GNB5: variants seen among roughly 807,000 people sequenced by gnomAD.
The protein encoded by GNB5 is guanine nucleotide-binding protein subunit beta-5.
A neutral mutation model predicts 55.3 loss-of-function variants in GNB5; 37 were observed. The ratio of observed to expected loss-of-function variants is 0.67; its 90% CI spans 0.51 to 0.88. The LOEUF (loss-of-function observed/expected upper bound fraction) is 0.88, where lower values mean the gene tolerates loss of function less well. Ranked by LOEUF, GNB5 falls within the 40% of genes least tolerant of loss-of-function variation. The pLI is 0.00. For synonymous variants in GNB5, 219 were observed against 198.5 expected (o/e 1.10, Z -0.87); for missense variants, 476 against 515.3 (o/e 0.92, Z 0.74).
chr15:52,168,534 C>T (rs1049610408), intron 3 of GNB5, among the ~76,000 whole-genome samples: 1 of 152,112 alleles, frequency 6.6e-6, no homozygotes, highest in Admixed American at 6.6e-5. Context: ...TGAAAATGGC[C>T]ATATTGCCCA....
chr15:52,184,082 T>C (rs2034811259), intron 2 of GNB5, among the ~76,000 whole-genome samples: 1 of 152,202 alleles, frequency 6.6e-6, no homozygotes, highest in South Asian at 2.1e-4. Flanking sequence ...CTAGACTGTT[T>C]ATTTGCCAGC....
chr15:52,169,191 A>G (rs1456715394), intron 3 of GNB5, among the ~76,000 whole-genome samples: 1 of 149,088 alleles, frequency 6.7e-6, no homozygotes, highest in East Asian at 2.0e-4. Flanking sequence ...GTGGTGGCGT[A>G]TGCTTGTAGT....
At chr15:52,171,262 G>C (rs1323300938) in intron 3 of GNB5, among the ~76,000 whole-genome samples, 3 of 152,024 alleles carry the variant, frequency 2.0e-5, no homozygotes, top group African/African-American at 7.2e-5. Flanking sequence ...AAATGACATG[G>C]GGAGCTACTC....
At chr15:52,161,349 G>A (rs561309583) in intron 3 of GNB5, among the ~76,000 whole-genome samples, 14 of 152,324 alleles carry the variant, frequency 9.2e-5, no homozygotes, top group Admixed American at 9.2e-4. Flanking sequence ...CCAGGCTGGA[G>A]TGCAGTGGCG....
intron 2 of GNB5, chr15:52,180,400 A>C (rs940758085): frequency 1.3e-5 from 2 of 152,460 alleles, no homozygotes; most frequent in East Asian, 3.9e-4. Flanking sequence ...GCTTGGCCGC[A>C]GGTAGCTACG....
In GNB5 at chr15:52,154,072, G is replaced by A; in HGVS notation, c.243C>T (p.His81=). 6.2e-7 allele frequency: 1 copy of A among 1,613,712 alleles called. No homozygotes were observed. The highest frequency in any genetic ancestry group is 1.7e-4 in the Middle Eastern group (1 of 6,058). ...GGGCCTCCACCCGCTCCGCCACCTG[G>A]TGCACTGGAATGACAAGGCCATAGT... ...ERAKLHDVEL[H]QVAERVEALG... The change falls in exon 4 of 13, where the codon CAC becomes CAT. Residue 81 remains histidine, a synonymous_variant. Coordinates refer to ENST00000261837, the MANE Select transcript of GNB5 (RefSeq NM_016194.4).
chr15:52,189,756 C>T (rs972666664), intron 1 of GNB5, among the ~76,000 whole-genome samples: 1 of 152,208 alleles, frequency 6.6e-6, no homozygotes, highest in Admixed American at 6.5e-5. Context: ...GACGTTCTGA[C>T]ACATGCTACA....
chr15:52,116,132 C>T lies in GNB5; in HGVS notation c.*6625G>A, dbSNP rs573329594. On this transcript the variant is annotated 3_prime_UTR_variant, in exon 13 of 13. Transcript: ENST00000261837. ...TAATGCTGCTATGAACATTTGCATT[C>T]AAATTTCTGTGTGGACATATGTTTT... is the stretch of plus-strand genomic sequence containing the variant. 1.3e-5 allele frequency: 2 copies of T among 152,214 alleles called. No homozygotes were observed. The highest frequency in any genetic ancestry group is 2.9e-5 in the Non-Finnish European group (2 of 68,038). 9.4% of individuals were successfully genotyped at this position (152,214 alleles called of 1,614,324 possible).
chr15:52,174,189 G>C (rs2034604952), intron 3 of GNB5, among the ~76,000 whole-genome samples: 1 of 152,138 alleles, frequency 6.6e-6, no homozygotes, highest in Non-Finnish European at 1.5e-5. Flanking sequence ...GCAAGAAATG[G>C]ATTCTCCCCT....
chr15:52,169,782 C>T (rs572836128), intron 3 of GNB5, among the ~76,000 whole-genome samples: 1 of 151,928 alleles, frequency 6.6e-6, no homozygotes, highest in East Asian at 1.9e-4. Flanking sequence ...AGTGAAGGGA[C>T]AAACTACAGA....
intron 4 of GNB5, among the ~76,000 whole-genome samples, chr15:52,151,855 C>T (rs2034103027): frequency 6.6e-6 from 1 of 152,056 alleles, no homozygotes; most frequent in African/African-American, 2.4e-5. Flanking sequence ...TCTATAATCT[C>T]AGTGCTTTCA....
intron 1 of GNB5, among the ~76,000 whole-genome samples, chr15:52,190,621 G>A (rs887159998): frequency 6.6e-6 from 1 of 152,054 alleles, no homozygotes; most frequent in Non-Finnish European, 1.5e-5. Context: ...AGGATGCAGA[G>A]ACTGGAACTG....
At chr15:52,153,770 T>C (rs1159396537) in intron 4 of GNB5, among the ~76,000 whole-genome samples, 170 bp downstream of exon 4, 12 of 152,228 alleles carry the variant, frequency 7.9e-5, no homozygotes, top group Non-Finnish European at 1.8e-4. Flanking sequence ...TCTACCCAAA[T>C]TATGAAGTTC....
At chr15:52,134,891 A>G (rs2033664115) in intron 8 of GNB5, among the ~76,000 whole-genome samples, 1 of 151,914 alleles carries the variant, frequency 6.6e-6, no homozygotes, top group Non-Finnish European at 1.5e-5. Flanking sequence ...CCATTTGCAT[A>G]CACACTGCAA....
At chr15:52,152,504 T>A (rs564065632) in intron 4 of GNB5, among the ~76,000 whole-genome samples, 1 of 152,012 alleles carries the variant, frequency 6.6e-6, no homozygotes, top group African/African-American at 2.4e-5. Flanking sequence ...TTGTATTTTT[T>A]AGTAGACACG....
chr15:52,180,981 T>C (rs753677892), intron 2 of GNB5: 3 of 152,218 alleles, frequency 2.0e-5, no homozygotes, highest in Non-Finnish European at 2.9e-5. Context: ...CTCTGGACTT[T>C]GGTGTGGATG....
At chr15:52,136,135 C>CAGGGAAAAGCAGAAA (rs2033710590) in intron 7 of GNB5, among the ~76,000 whole-genome samples, 1 of 127,650 alleles carries the variant, frequency 7.8e-6, no homozygotes, top group African/African-American at 3.3e-5. Context: ...CACACACACA[C>CAGGGAAAAGCAGAAA]ACACACACAC....
In GNB5 at chr15:52,136,165, CA is replaced by C. The variant is rs1566935776; in HGVS notation, c.628-410del. The stretch of plus-strand genomic sequence containing the variant: ...ACACACACACACACACACACACACA[CA>C]CACACACCCTACCTGCTGTATCTGG... On this transcript the variant is annotated intron_variant, in intron 7 of 12. Coordinates refer to ENST00000261837, the MANE Select transcript of GNB5 (RefSeq NM_016194.4). 2.3e-4 allele frequency among the ~76,000 whole-genome samples: 28 copies of C among 123,170 alleles called. 1 individual carries two copies. Among genetic ancestry groups the C allele is most frequent in the African/African-American group, 7.6e-4 (25 of 32,834 alleles). 80.8% of individuals were successfully genotyped at this position (123,170 alleles called of 152,430 possible).
intron 7 of GNB5, chr15:52,139,838 A>G (rs2033810769): frequency 1.6e-6 from 2 of 1,273,648 alleles, no homozygotes; most frequent in African/African-American, 1.5e-5. Context: ...TTCATCCCCA[A>G]CCCTGCCCCG....
Sources: allele counts gnomAD v4.1 joint callset (sites outside exome capture counted in the v4.1 genomes callset), GRCh38; gene constraint gnomAD v4.1.1; transcripts MANE v1.5; gene names NCBI Gene and HGNC (gene_info 2026-07-23, HGNC 2026-07-21).